The following GRIN2A variants were observed in gnomAD, a reference collection of about 807,000 sequenced individuals.
GRIN2A encodes the protein glutamate receptor ionotropic, NMDA 2A.
A neutral mutation model predicts 113.4 loss-of-function variants in GRIN2A; 22 were observed. The ratio of observed to expected loss-of-function variants is 0.19; its 90% confidence interval spans 0.14 to 0.28. The LOEUF (loss-of-function observed/expected upper bound fraction) is 0.28, where lower values mean the gene tolerates loss of function less well. Ranked by LOEUF, GRIN2A falls within the 10% of genes least tolerant of loss-of-function variation. The pLI is 1.00. For missense variants in GRIN2A, 1,502 were observed against 1,887.0 expected (o/e 0.80, Z 3.78); for synonymous variants, 827 against 738.4 (o/e 1.12, Z -1.94).
In GRIN2A at chr16:9,759,713, C is replaced by T. The variant is rs1707235720; in HGVS notation, c.*3436G>A. 1 of 228,948 alleles carries T rather than the reference C, an allele frequency of 4.4e-6. No individual in the cohort carries two copies. The highest frequency in any genetic ancestry group is 6.2e-5 in the East Asian group (1 of 16,014). The allele number at this position is 228,948 out of a possible 1,614,324, so 14.2% of individuals were successfully genotyped here. A position where few individuals can be genotyped will look rare whatever the true frequency, so the allele number is the denominator to read the frequency against. On this transcript the variant is annotated 3_prime_UTR_variant, in exon 13 of 13. Transcript: ENST00000330684. ...GGCTAAAATAACGCAGAGAGATTTGCAGAGGACATAACAGTAATGAGTGGT... is the reference window on the plus strand; with the variant it reads ...GGCTAAAATAACGCAGAGAGATTTGTAGAGGACATAACAGTAATGAGTGGT...
chr16:9,909,117 G>A (rs1324631528), intron 3 of GRIN2A, among the ~76,000 whole-genome samples: 3 of 152,290 alleles, frequency 2.0e-5, no homozygotes, highest in East Asian at 1.9e-4. Context: ...ATGGTGGAAG[G>A]CAAGGAGGAC....
At chr16:10,019,024 T>C (rs2046664831) in intron 2 of GRIN2A, among the ~76,000 whole-genome samples, 2 of 149,970 alleles carry the variant, frequency 1.3e-5, no homozygotes, top group African/African-American at 4.9e-5. Flanking sequence ...ACAATGATCA[T>C]CCATTTCCCA....
intron 2 of GRIN2A, among the ~76,000 whole-genome samples, chr16:9,972,971 T>G (rs966625810): frequency 6.6e-6 from 1 of 152,208 alleles, no homozygotes; most frequent in Non-Finnish European, 1.5e-5. Context: ...TCAGGAGTTC[T>G]GATTGGCTGT....
intron 2 of GRIN2A, among the ~76,000 whole-genome samples, chr16:10,069,093 G>C (rs760079481): frequency 5.9e-4 from 90 of 152,056 alleles, no homozygotes; most frequent in Non-Finnish European, 1.2e-3. Context: ...AGCCCTTAAA[G>C]GCTATTCAGA....
intron 2 of GRIN2A, among the ~76,000 whole-genome samples, chr16:9,952,129 C>T (rs1299012710): frequency 6.6e-6 from 1 of 152,132 alleles, no homozygotes; most frequent in Non-Finnish European, 1.5e-5. Flanking sequence ...GTTCACTGGC[C>T]TCCAAGCCTC....
intron 2 of GRIN2A, among the ~76,000 whole-genome samples, chr16:9,974,248 C>T (rs1334100850): frequency 7.9e-5 from 12 of 152,148 alleles, no homozygotes; most frequent in Admixed American, 5.2e-4. Context: ...AGCCTGGTGC[C>T]TAGGAACCAG....
At chr16:9,951,068 C>G (rs1048149383) in intron 2 of GRIN2A, among the ~76,000 whole-genome samples, 1 of 152,118 alleles carries the variant, frequency 6.6e-6, no homozygotes, top group African/African-American at 2.4e-5. Context: ...TGTGAGCTCC[C>G]TTTCCTTTAC....
chr16:9,891,040 C>G lies in GRIN2A; in HGVS notation c.1068G>C (p.Gln356His). 2 of 1,613,688 alleles carry G rather than the reference C, an allele frequency of 1.2e-6. No individual in the cohort carries two copies. The highest frequency in any genetic ancestry group is 1.7e-6 in the Non-Finnish European group (2 of 1,179,602). Residue 356 changes from glutamine to histidine, a missense_variant, in exon 4 of 13, where the codon CAG (glutamine) becomes CAC (histidine). By Grantham distance (24) the Gln-to-His change is conservative. This residue lies in a region of GRIN2A where 334 missense variants were observed against 403.0 expected (regional missense o/e 0.83). Coordinates refer to ENST00000330684, the MANE Select transcript of GRIN2A (RefSeq NM_001134407.3). ...CAATCACCACCAGCCTGGGGTGCAC[C>G]TGGTAGCCTTCCTCAGTGAAGGATA... ...KDLSFTEEGY[Q>H]VHPRLVVIVL...
chr16:9,839,365 C>T (rs1190055744), intron 7 of GRIN2A, among the ~76,000 whole-genome samples: 1 of 151,180 alleles, frequency 6.6e-6, no homozygotes, highest in Non-Finnish European at 1.5e-5. Context: ...AAACATAGCT[C>T]TTCCTTGATT....
chr16:10,122,226 C>T (rs983413206), intron 2 of GRIN2A, among the ~76,000 whole-genome samples: 2 of 152,154 alleles, frequency 1.3e-5, no homozygotes, highest in South Asian at 4.1e-4. Context: ...CTTCTGTAGC[C>T]AGAGCCAAAA....
intron 2 of GRIN2A, among the ~76,000 whole-genome samples, chr16:10,055,788 C>G (rs2141996450): frequency 6.6e-6 from 1 of 152,272 alleles, no homozygotes; most frequent in East Asian, 1.9e-4. Context: ...CAATCTGAAA[C>G]AATAAAAGCA....
At chr16:9,933,574 G>A (rs991893676) in intron 3 of GRIN2A, among the ~76,000 whole-genome samples, 14 of 152,302 alleles carry the variant, frequency 9.2e-5, no homozygotes, top group African/African-American at 3.1e-4. Context: ...GCTTTGCAGA[G>A]TAAGACCTTA....
chr16:9,963,692 T>A (rs772793844), intron 2 of GRIN2A, among the ~76,000 whole-genome samples: 7 of 152,246 alleles, frequency 4.6e-5, no homozygotes, highest in Non-Finnish European at 8.8e-5. Context: ...AAAAGGCTTT[T>A]AGATAATTAC....
chr16:9,979,845 CTGTGTGTGTG>C lies in GRIN2A; in HGVS notation c.415-41304_415-41295del, dbSNP rs60999132. On this transcript the variant is annotated intron_variant, in intron 2 of 12. Transcript: ENST00000330684. ...TATGTATTTATCTAGGACTTATATTCTGTGTGTGTGTGTGTGTGTGTGTGTGTGTGTATGA... is the reference window on the plus strand; with the variant it reads ...TATGTATTTATCTAGGACTTATATTCTGTGTGTGTGTGTGTGTGTGTATGA... Among the ~76,000 whole-genome samples, 11 of 133,522 alleles carry C rather than the reference CTGTGTGTGTG, an allele frequency of 8.2e-5. No homozygotes were observed. In the East Asian group the frequency reaches 1.4e-3, roughly 17 times the overall value. The allele number at this position is 133,522 out of a possible 152,430, so 87.6% of individuals were successfully genotyped here. A position where few individuals can be genotyped will look rare whatever the true frequency, so the allele number is the denominator to read the frequency against.
intron 3 of GRIN2A, among the ~76,000 whole-genome samples, chr16:9,901,539 A>G (rs2043924548): frequency 6.6e-6 from 1 of 152,192 alleles, no homozygotes; most frequent in South Asian, 2.1e-4. Context: ...GGCTCACTGC[A>G]AACTCCACAT....
At chr16:10,104,255 T>A (rs1007492245) in intron 2 of GRIN2A, among the ~76,000 whole-genome samples, 1 of 152,208 alleles carries the variant, frequency 6.6e-6, no homozygotes, top group Non-Finnish European at 1.5e-5. Flanking sequence ...GGTAAAAGAT[T>A]AGAGGATTCT....
At chr16:10,078,790 T>C (rs920225115) in intron 2 of GRIN2A, among the ~76,000 whole-genome samples, 37 of 152,130 alleles carry the variant, frequency 2.4e-4, no homozygotes, top group African/African-American at 8.7e-4. Flanking sequence ...CACTACCCCC[T>C]CCGAAGCCCA....
intron 3 of GRIN2A, among the ~76,000 whole-genome samples, chr16:9,894,993 TCATCCATTCTTC>T (rs1183713200): frequency 6.6e-6 from 1 of 152,224 alleles, no homozygotes; most frequent in Non-Finnish European, 1.5e-5. Flanking sequence ...ATTAATACGT[TCATCCATTCTTC>T]CATCCATTAG....
intron 2 of GRIN2A, among the ~76,000 whole-genome samples, chr16:10,030,775 T>C (rs531992945): frequency 4.6e-5 from 7 of 152,348 alleles, no homozygotes; most frequent in African/African-American, 1.7e-4. Context: ...TGATCATCTA[T>C]TAACTCAGCA....
Sources: gnomAD v4.1 joint callset for allele counts (sites outside exome capture counted in the v4.1 genomes callset) on GRCh38, gnomAD v4.1.1 for gene constraint, gnomAD v4.1.1 regional missense constraint, MANE v1.5 for transcripts, NCBI Gene and HGNC (gene_info 2026-07-23, HGNC 2026-07-21) for gene names.